The following PER2 variants were observed in gnomAD, a reference collection of about 807,000 sequenced individuals.
The protein encoded by PER2 is period circadian regulator 2.
Under a neutral mutation model 121.0 loss-of-function variants are expected in PER2, and 66 were observed. That is an observed-to-expected ratio of 0.55 (90% CI 0.45 to 0.67). The LOEUF (loss-of-function observed/expected upper bound fraction) is 0.67, where lower values mean the gene tolerates loss of function less well. PER2 is among the 30% of genes least tolerant of loss of function. The pLI, the probability that PER2 is intolerant of heterozygous loss-of-function variation, is 0.00. For synonymous variants in PER2, 684 were observed against 659.9 expected, an observed-to-expected ratio of 1.04 and a Z score of -0.56; for missense variants, 1,521 against 1,635.0, an observed-to-expected ratio of 0.93 and a Z score of 1.20.
chr2:238,271,364 G>A lies in PER2; in HGVS notation c.720C>T (p.His240=). Reference sequence around the variant, plus strand: ...GAAGCTTGTACGGGGAGGTGAAACTGTGGAACACGCCCACATCGTGAGGCG... The same window carrying A: ...GAAGCTTGTACGGGGAGGTGAAACTATGGAACACGCCCACATCGTGAGGCG... The part of the protein sequence containing the change: ...FLAPHDVGVF[H]SFTSPYKLPL... The change falls in exon 6 of 23, where the codon CAC becomes CAT. Residue 240 remains histidine (H), a synonymous_variant. Coordinates refer to ENST00000254657, the MANE Select transcript of PER2 (RefSeq NM_022817.3). 1 of 1,614,236 alleles carries A rather than the reference G, an allele frequency of 6.2e-7. No homozygotes were observed. Among genetic ancestry groups the A allele is most frequent in the Non-Finnish European group, 8.5e-7 (1 of 1,180,038 alleles).
Position 238,252,255 on chromosome 2 carries a change from G to A in PER2, c.3112-494C>T, listed in dbSNP as rs569055271. Among the ~76,000 whole-genome samples, 7 of 152,284 alleles carry A rather than the reference G, an allele frequency of 4.6e-5. No individual in the cohort carries two copies. The highest frequency in any genetic ancestry group is 1.7e-4 in the African/African-American group (7 of 41,572). On this transcript the variant is annotated intron_variant, in intron 19 of 22. Transcript: ENST00000254657. This position sits in a 1 kb window ranked among gnomAD's most constrained non-coding sequence, Gnocchi z 4.2. ...GGAGGTGGCAGGAGGACTGGGAGAAGCTCCACAGATCTACATGCTTGCACT... is the reference window on the plus strand; with the variant it reads ...GGAGGTGGCAGGAGGACTGGGAGAAACTCCACAGATCTACATGCTTGCACT...
At chr2:238,288,875 A>G (rs970617151), upstream of PER2, among the ~76,000 whole-genome samples, 3 of 151,796 alleles carry the variant, frequency 2.0e-5, no homozygotes, top group African/African-American at 4.8e-5. Flanking sequence ...TGCATACATG[A>G]GGGGCGGGGC....
At position 238,245,102 on chromosome 2, in the gene PER2, C is replaced by T. The variant is rs181992615; in HGVS notation, c.*1273G>A. ...CCTGGTCCCTTTTAAGCCTCATAGT[C>T]TTGGTCCAATTTTAAGTCAACTGTT... On this transcript the variant is annotated 3_prime_UTR_variant, in exon 23 of 23. Coordinates refer to ENST00000254657, the MANE Select transcript of PER2 (RefSeq NM_022817.3). 1 of 141,946 alleles carries T rather than the reference C, an allele frequency of 7.0e-6. No individual in the cohort carries two copies. The highest frequency in any genetic ancestry group is 7.2e-5 in the Admixed American group (1 of 13,946). The allele number at this position is 141,946 out of a possible 1,614,324, so 8.8% of individuals were successfully genotyped here.
Position 238,277,144 on chromosome 2 carries a change from T to C in PER2, c.280A>G (p.Thr94Ala). 1 of 1,612,174 alleles carries C rather than the reference T, an allele frequency of 6.2e-7. No individual in the cohort carries two copies. The highest frequency in any genetic ancestry group is 8.5e-7 in the Non-Finnish European group (1 of 1,178,186). The change falls in exon 3 of 23, where the codon ACA becomes GCA. Residue 94 changes from threonine to alanine, a missense_variant. By Grantham distance (58) the Thr-to-Ala change is moderately conservative. Coordinates refer to ENST00000254657, the MANE Select transcript of PER2 (RefSeq NM_022817.3). ...MMAKSEHNPSTSGCSSDQSSK... is the reference protein window; with the variant it reads ...MMAKSEHNPSASGCSSDQSSK... ...AATTGGCCTTACCTGCAGCCACTTG[T>C]AGATGGGTTGTGTTCAGATTTTGCC...
chr2:238,261,719 C>T lies in PER2; in HGVS notation c.1416+10G>A, dbSNP rs773488475. Reference sequence around the variant, plus strand: ...TACCTGGGAGGAGGACATGCAGGCACCACACCCACCTGCAGCAGGAGCCGG... The same window carrying T: ...TACCTGGGAGGAGGACATGCAGGCATCACACCCACCTGCAGCAGGAGCCGG... On this transcript the variant is annotated intron_variant, in intron 12 of 22. Coordinates refer to ENST00000254657, the MANE Select transcript of PER2 (RefSeq NM_022817.3). 2 of 1,524,420 alleles carry T rather than the reference C, an allele frequency of 1.3e-6. No homozygotes were observed. The highest frequency in any genetic ancestry group is 2.4e-5 in the East Asian group (1 of 40,920). The allele number at this position is 1,524,420 out of a possible 1,614,324, so 94.4% of individuals were successfully genotyped here.
intron 1 of PER2, among the ~76,000 whole-genome samples, chr2:238,281,146 G>C (rs1216592837): frequency 6.6e-6 from 1 of 152,040 alleles, no homozygotes; most frequent in Non-Finnish European, 1.5e-5. Context: ...TGGGATTACA[G>C]GTGTCCGCCA....
rs151101934 is a variant in PER2 at position 238,258,578 on chromosome 2, A to G, written c.1694T>C (p.Val565Ala). The G allele has an allele frequency of 9.2e-5, 148 of 1,613,710 alleles. No homozygotes were observed. In the African/African-American group the frequency reaches 1.7e-3, roughly 18 times the overall value. ...VPAMEKDSLG[V>A]SFPEELACKN... ...GCAGGCCAACTCCTCGGGGAAGCTG[A>G]CCCCCAGGCTGTCCTTTTCCATGGC... The change falls in exon 15 of 23, where the codon GTC becomes GCC. Residue 565 changes from valine (V) to alanine (A), a missense_variant. Coordinates refer to ENST00000254657, the MANE Select transcript of PER2 (RefSeq NM_022817.3).
chr2:238,280,850 G>A (rs757253116), intron 1 of PER2, among the ~76,000 whole-genome samples: 5 of 152,040 alleles, frequency 3.3e-5, no homozygotes, highest in Admixed American at 6.6e-5. Context: ...CAACGCCTAA[G>A]TGCATCCAGA....
In PER2 at chr2:238,252,928, G is replaced by C; in HGVS notation, c.3095C>G (p.Pro1032Arg). Residue 1032 changes from proline to arginine, a missense_variant, in exon 19 of 23, where the codon CCG becomes CGG. By Grantham distance (103) the Pro-to-Arg change is moderately radical. Coordinates refer to ENST00000254657, the MANE Select transcript of PER2 (RefSeq NM_022817.3). The surrounding 1 kb of genome is among the most constrained non-coding windows in gnomAD (Gnocchi z 4.2). ...CKPGTSRDQQ[P>R]KAPLTRDEPS... ...AATCCTTACGGTCAGAGGCGCCTTC[G>C]GCTGCTGGTCCCGAGAAGTGCCAGG... 1 of 1,613,570 alleles carries C rather than the reference G, an allele frequency of 6.2e-7. No homozygotes were observed.
chr2:238,270,320 A>G (rs1191688358), intron 6 of PER2, among the ~76,000 whole-genome samples: 3 of 152,228 alleles, frequency 2.0e-5, no homozygotes, highest in African/African-American at 7.2e-5. Flanking sequence ...TGAAAATATG[A>G]AATCAATTGG....
chr2:238,259,664 C>G (rs1315310775), intron 14 of PER2, among the ~76,000 whole-genome samples: 2 of 152,234 alleles, frequency 1.3e-5, no homozygotes, highest in East Asian at 1.9e-4. Flanking sequence ...ACCCTGCTGG[C>G]AGGCCAGGGT....
chr2:238,277,988 C>T (rs1696510442), intron 1 of PER2, 33 bp from the exon 2 acceptor site: 4 of 1,595,144 alleles, frequency 2.5e-6, no homozygotes, highest in South Asian at 2.2e-5. Flanking sequence ...CACGCATTAA[C>T]AAGCACACGC....
chr2:238,262,108 T>G (rs1559328315), intron 11 of PER2, 83 bp downstream of exon 11: 2 of 1,316,988 alleles, frequency 1.5e-6, no homozygotes, highest in East Asian at 4.6e-5. Flanking sequence ...CCCCTCCCTA[T>G]GCCATCTGTT....
chr2:238,297,724 A>G, the PER2 span, among the ~76,000 whole-genome samples: 1 of 152,200 alleles, frequency 6.6e-6, no homozygotes, highest in African/African-American at 2.4e-5. Context: ...CTGCTGGCCC[A>G]AGAAAGGCCA....
At chr2:238,298,765 G>A in the PER2 span, 1 of 152,248 alleles carries the variant, frequency 6.6e-6, no homozygotes, top group African/African-American at 2.4e-5. Flanking sequence ...GCAAGGCATT[G>A]GGTGGTGCTT....
rs367922246 is a variant in PER2 at position 238,263,056 on chromosome 2, G to A, written c.1049C>T (p.Ala350Val). The A allele has an allele frequency of 4.4e-6, 7 of 1,593,598 alleles. No homozygotes were observed. Among genetic ancestry groups the A allele is most frequent in the Non-Finnish European group, 4.3e-6 (5 of 1,161,678 alleles). The part of the protein sequence containing the change: ...NCLFQDVDER[A>V]VPLLGYLPQD... ...AGGTAGGTAGCCCAGGAGAGGGACC[G>A]CCCTGGAAGGCAAGCAGACACACGC... Residue 350 changes from alanine to valine, a missense_variant and splice_region_variant, in exon 10 of 23, where the codon GCG becomes GTG. Coordinates refer to ENST00000254657, the MANE Select transcript of PER2 (RefSeq NM_022817.3).
chr2:238,298,538 C>T, the PER2 span: 1 of 152,228 alleles, frequency 6.6e-6, no homozygotes, highest in Non-Finnish European at 1.5e-5. Context: ...CAAACTATGG[C>T]CTGTTCTTCC....
chr2:238,275,668 C>G, intron 4 of PER2, 75 bp downstream of exon 4: 1 of 1,501,992 alleles, frequency 6.7e-7, no homozygotes, highest in Middle Eastern at 2.3e-4. Flanking sequence ...AAAGTCAACA[C>G]AATCCAAGCT....
intron 4 of PER2, among the ~76,000 whole-genome samples, chr2:238,275,029 C>A (rs1259859855): frequency 6.6e-6 from 1 of 152,208 alleles, no homozygotes; most frequent in South Asian, 2.1e-4. Context: ...GCTTCAAATA[C>A]GAGTTTATAC....
Sources: gnomAD v4.1 joint callset for allele counts (sites outside exome capture counted in the v4.1 genomes callset) on GRCh38, gnomAD v4.1.1 for gene constraint, Gnocchi (gnomAD v3.1) non-coding constraint, MANE v1.5 for transcripts, NCBI Gene and HGNC (gene_info 2026-07-23, HGNC 2026-07-21) for gene names.